Variants in ADGRL3 observed in about 807,000 individuals in gnomAD.
The protein encoded by ADGRL3 is adhesion G protein-coupled receptor L3.
A neutral mutation model predicts 153.5 loss-of-function variants in ADGRL3; 62 were observed. That is an observed-to-expected ratio of 0.40 (90% CI 0.33 to 0.50). The LOEUF is 0.50. ADGRL3 is among the 20% of genes least tolerant of loss of function. The probability of loss-of-function intolerance (pLI) is 0.47; values close to 1 mark genes in which losing one functional copy is unlikely to be tolerated. For synonymous variants in ADGRL3, 710 were observed against 672.5 expected (o/e 1.06, Z -0.86); for missense variants, 1,641 against 1,859.4 (o/e 0.88, Z 2.16).
intron 1 of ADGRL3, among the ~76,000 whole-genome samples, chr4:61,227,903 CTT>C (rs1248642824): frequency 6.6e-6 from 1 of 152,148 alleles, no homozygotes; most frequent in East Asian, 1.9e-4. Context: ...CTGTTTTAAA[CTT>C]TTTATTTTGG....
chr4:61,939,130 T>A (rs2098858011), intron 15 of ADGRL3, among the ~76,000 whole-genome samples: 1 of 152,090 alleles, frequency 6.6e-6, no homozygotes, highest in Admixed American at 6.5e-5. Context: ...AAAAATAAGG[T>A]GGAAAGACTT....
At chr4:61,342,417 C>G (rs1309922383) in intron 1 of ADGRL3, among the ~76,000 whole-genome samples, 1 of 152,112 alleles carries the variant, frequency 6.6e-6, no homozygotes, top group African/African-American at 2.4e-5. Context: ...GGCTATTTCT[C>G]TAGAGAAATG....
intron 3 of ADGRL3, among the ~76,000 whole-genome samples, chr4:61,500,908 G>A (rs1340588107): frequency 6.6e-6 from 1 of 152,186 alleles, no homozygotes. Flanking sequence ...TTAAAATCAA[G>A]GACTTGGCTT....
chr4:61,484,958 T>C (rs2098173245), intron 2 of ADGRL3, among the ~76,000 whole-genome samples: 1 of 152,208 alleles, frequency 6.6e-6, no homozygotes, highest in Non-Finnish European at 1.5e-5. Flanking sequence ...AAACTTACCA[T>C]GTTAGCTATT....
intron 9 of ADGRL3, 93 bp downstream of exon 9, chr4:61,813,982 C>G (rs2097659692): frequency 2.0e-6 from 3 of 1,497,278 alleles, no homozygotes; most frequent in South Asian, 1.3e-5. Context: ...AATGCAGTGC[C>G]TGTTCAAAAA....
intron 2 of ADGRL3, among the ~76,000 whole-genome samples, chr4:61,488,288 A>C (rs907984324): frequency 6.6e-6 from 1 of 152,072 alleles, no homozygotes; most frequent in Non-Finnish European, 1.5e-5. Flanking sequence ...CAAGTTATGT[A>C]TTTAAAATAT....
chr4:61,596,334 A>G (rs1185795545), intron 5 of ADGRL3, among the ~76,000 whole-genome samples: 1 of 152,192 alleles, frequency 6.6e-6, no homozygotes, highest in Non-Finnish European at 1.5e-5. Flanking sequence ...TGAGTACTGT[A>G]TAATTTCTAA....
At chr4:61,909,025 C>T (rs2098709711) in intron 11 of ADGRL3, among the ~76,000 whole-genome samples, 1 of 152,028 alleles carries the variant, frequency 6.6e-6, no homozygotes, top group African/African-American at 2.4e-5. Flanking sequence ...AGTTTGCTAC[C>T]CAGCATACTG....
At chr4:61,440,026 T>C (rs2097507897) in intron 2 of ADGRL3, among the ~76,000 whole-genome samples, 1 of 151,984 alleles carries the variant, frequency 6.6e-6, no homozygotes, top group African/African-American at 2.4e-5. Context: ...GTGCTATGTA[T>C]TATTTTTATT....
intron 1 of ADGRL3, among the ~76,000 whole-genome samples, chr4:61,332,834 T>C (rs2095600844): frequency 1.3e-5 from 2 of 148,928 alleles, no homozygotes; most frequent in South Asian, 4.1e-4. Flanking sequence ...AATGCACTTA[T>C]ATGTTAGGCC....
At chr4:61,549,141 A>G (rs2098728638) in intron 4 of ADGRL3, among the ~76,000 whole-genome samples, 1 of 151,804 alleles carries the variant, frequency 6.6e-6, no homozygotes, top group Non-Finnish European at 1.5e-5. Flanking sequence ...CTCAGCTTGA[A>G]TGTTGGTATA....
intron 1 of ADGRL3, among the ~76,000 whole-genome samples, chr4:61,356,647 T>C (rs2096176978): frequency 6.6e-6 from 1 of 152,100 alleles, no homozygotes; most frequent in African/African-American, 2.4e-5. Context: ...GCTTCTTGAA[T>C]TTTTGCTTCT....
At chr4:62,008,808 A>G (rs566101252) in intron 21 of ADGRL3, among the ~76,000 whole-genome samples, 80 of 152,184 alleles carry the variant, frequency 5.3e-4, no homozygotes, top group African/African-American at 1.8e-3. Context: ...CCAGGCACAC[A>G]GTCATGTACT....
At chr4:61,464,195 G>A (rs369425902) in intron 2 of ADGRL3, among the ~76,000 whole-genome samples, 2 of 152,200 alleles carry the variant, frequency 1.3e-5, no homozygotes. Context: ...AAATGGAAAA[G>A]TAGCGTTATC....
intron 2 of ADGRL3, among the ~76,000 whole-genome samples, chr4:61,443,035 G>A (rs1366529908): frequency 1.3e-5 from 2 of 152,244 alleles, no homozygotes; most frequent in South Asian, 4.1e-4. Flanking sequence ...GTAAACAGAA[G>A]TTATAAGACT....
chr4:61,214,673 T>C (rs1741792017), intron 1 of ADGRL3, among the ~76,000 whole-genome samples: 1 of 152,198 alleles, frequency 6.6e-6, no homozygotes, highest in Non-Finnish European at 1.5e-5. Flanking sequence ...CTGTGGCTCA[T>C]GCCTATAATC....
chr4:61,492,267 A>C (rs1455846113), intron 2 of ADGRL3, among the ~76,000 whole-genome samples: 1 of 152,184 alleles, frequency 6.6e-6, no homozygotes, highest in Non-Finnish European at 1.5e-5. Context: ...ATATTGAAGT[A>C]GAATTTGTAG....
chr4:61,324,250 T>C (rs2095422689), intron 1 of ADGRL3, among the ~76,000 whole-genome samples: 1 of 152,200 alleles, frequency 6.6e-6, no homozygotes, highest in Non-Finnish European at 1.5e-5. Context: ...TTTTCTGTTT[T>C]ATCTTGCAGT....
At chr4:61,304,548 G>C (rs2094702287) in intron 1 of ADGRL3, among the ~76,000 whole-genome samples, 1 of 152,108 alleles carries the variant, frequency 6.6e-6, no homozygotes. Flanking sequence ...TCTAGCAAAA[G>C]TATCCCTGTC....
Sources: gnomAD v4.1 joint callset for allele counts (sites outside exome capture counted in the v4.1 genomes callset) on GRCh38, gnomAD v4.1.1 for gene constraint, MANE v1.5 for transcripts, NCBI Gene and HGNC (gene_info 2026-07-23, HGNC 2026-07-21) for gene names.